Variants in FGGY observed in about 807,000 individuals in gnomAD.
The protein encoded by FGGY is FGGY carbohydrate kinase domain containing, also known as FGGY carbohydrate kinase domain-containing protein.
In FGGY, 72 loss-of-function variants were observed where a neutral mutation model predicts 71.3. That is an observed-to-expected ratio of 1.01 (90% confidence interval 0.84 to 1.23). The LOEUF is 1.23. Ranked by LOEUF, FGGY falls within the 50% of genes most tolerant of loss-of-function variation. The pLI, the probability that FGGY is intolerant of heterozygous loss-of-function variation, is 0.00. For missense variants in FGGY, 668 were observed against 682.3 expected, an observed-to-expected ratio of 0.98 and a Z score of 0.23; for synonymous variants, 251 against 250.3, an observed-to-expected ratio of 1.00 and a Z score of -0.02.
chr1:59,631,585 A>C (rs1249309679), intron 10 of FGGY, among the ~76,000 whole-genome samples: 1 of 152,196 alleles, frequency 6.6e-6, no homozygotes, highest in Admixed American at 6.5e-5. Context: ...TGAATCAAGA[A>C]CCATGTGTCT....
chr1:59,380,985 A>G (rs927070410), intron 5 of FGGY, among the ~76,000 whole-genome samples: 25 of 152,102 alleles, frequency 1.6e-4, no homozygotes, highest in South Asian at 1.5e-3. Flanking sequence ...GTAAGGAAGG[A>G]ATCCAGTTTC....
chr1:59,393,584 C>T (rs1041879897), intron 5 of FGGY, among the ~76,000 whole-genome samples: 6 of 152,094 alleles, frequency 3.9e-5, no homozygotes, highest in Admixed American at 2.0e-4. Flanking sequence ...CACCCCATCC[C>T]CCTCCTCTCT....
At chr1:59,300,179 A>G (rs1013143336) in intron 1 of FGGY, among the ~76,000 whole-genome samples, 9 of 152,166 alleles carry the variant, frequency 5.9e-5, no homozygotes, top group Admixed American at 3.3e-4. Context: ...CTAATTGGAG[A>G]AGTTTTGTTA....
At chr1:59,671,843 GCC>G (rs1400776204) in intron 13 of FGGY, among the ~76,000 whole-genome samples, 2 of 152,262 alleles carry the variant, frequency 1.3e-5, no homozygotes, top group East Asian at 3.9e-4. Context: ...CAGTGGGGAA[GCC>G]AGGATTCAAA....
chr1:59,534,951 A>G (rs1332745026), intron 7 of FGGY, among the ~76,000 whole-genome samples: 2 of 152,238 alleles, frequency 1.3e-5, no homozygotes, highest in East Asian at 3.9e-4. Context: ...AGCTAACATC[A>G]TAATGACAGG....
rs573561852 is a variant in FGGY, at chr1:59,554,136, C to T, written c.812C>T (p.Ala271Val). The T allele has an allele frequency of 4.3e-6, 7 of 1,609,932 alleles. No homozygotes were observed. The highest frequency in any genetic ancestry group is 5.9e-6 in the Non-Finnish European group (7 of 1,176,724). ...AHAGGLGVIG[A>V]DVRGHGLICE... ...TCCTTTCTCACAGGAGTGATTGGGG[C>T]AGATGTGAGAGGGCACGGCCTCATC... Residue 271 changes from alanine to valine, a missense_variant, in exon 8 of 16, where the codon GCA (alanine) becomes GTA (valine). Coordinates refer to ENST00000303721, the MANE Select transcript of FGGY (RefSeq NM_018291.5).
At position 59,530,870 on chromosome 1, in the gene FGGY, A is replaced by G. The variant is rs1570747925; in HGVS notation, c.799+18431A>G. 3.9e-5 allele frequency among the ~76,000 whole-genome samples: 6 copies of G among 152,332 alleles called. No individual in the cohort carries two copies. In the South Asian group the frequency reaches 1.2e-3, roughly 32 times the overall value. ...AAAAGAGATTGGAATTTTTATCCTT[A>G]AGGTACTAGCTTGTAAACAGAAACT... On this transcript the variant is annotated intron_variant, in intron 7 of 15. Coordinates refer to ENST00000303721, the MANE Select transcript of FGGY (RefSeq NM_018291.5).
At position 59,424,208 on chromosome 1, in the gene FGGY, T is replaced by A. The variant is rs527447436; in HGVS notation, c.555-32753T>A. On this transcript the variant is annotated intron_variant, in intron 5 of 15. Coordinates refer to ENST00000303721, the MANE Select transcript of FGGY (RefSeq NM_018291.5). ...ACAAATACAGGTGCCGCCAGAGTGCTTGCACATGGCAGCTTCACAGCCCAT... is the reference window on the plus strand; with the variant it reads ...ACAAATACAGGTGCCGCCAGAGTGCATGCACATGGCAGCTTCACAGCCCAT... Among the ~76,000 whole-genome samples, 3 of 152,344 alleles carry A rather than the reference T, an allele frequency of 2.0e-5. No individual in the cohort carries two copies. In the South Asian group the frequency reaches 6.2e-4, roughly 32 times the overall value.
chr1:59,485,088 T>C (rs1569859858), intron 6 of FGGY, among the ~76,000 whole-genome samples: 1 of 152,330 alleles, frequency 6.6e-6, no homozygotes, highest in African/African-American at 2.4e-5. Flanking sequence ...CTTTGATTTG[T>C]TGTGAACCCC....
intron 11 of FGGY, among the ~76,000 whole-genome samples, chr1:59,648,221 G>A (rs1264815474): frequency 1.0e-5 from 1 of 98,904 alleles, no homozygotes; most frequent in Non-Finnish European, 2.0e-5. Context: ...GTGTGCATGT[G>A]TCTTTATAAC....
At chr1:59,624,256 A>G (rs1380929225) in intron 9 of FGGY, among the ~76,000 whole-genome samples, 1 of 152,050 alleles carries the variant, frequency 6.6e-6, no homozygotes, top group Non-Finnish European at 1.5e-5. Flanking sequence ...GTGGTTAAGA[A>G]CAAGGTCTTA....
intron 14 of FGGY, among the ~76,000 whole-genome samples, chr1:59,736,907 C>T (rs2098110664): frequency 6.6e-6 from 1 of 152,206 alleles, no homozygotes; most frequent in Admixed American, 6.5e-5. Flanking sequence ...CAGCTCCTCC[C>T]ATCACAGGCC....
intron 14 of FGGY, among the ~76,000 whole-genome samples, chr1:59,743,159 G>C (rs1234955929): frequency 6.6e-6 from 1 of 152,044 alleles, no homozygotes; most frequent in Admixed American, 6.5e-5. Context: ...GACTTCTTTA[G>C]GTCCTTTAAA....
intron 14 of FGGY, among the ~76,000 whole-genome samples, chr1:59,709,712 AG>A (rs1332169251): frequency 6.6e-6 from 1 of 152,228 alleles, no homozygotes; most frequent in African/African-American, 2.4e-5. Context: ...CACTGCAGGC[AG>A]GGCTGGCTAC....
At chr1:59,374,349 A>G (rs71646036) in intron 4 of FGGY, among the ~76,000 whole-genome samples, 10,432 of 152,288 alleles carry the variant, frequency 0.069, 483 homozygotes, top group Non-Finnish European at 0.097. Flanking sequence ...CAAAACCACA[A>G]TGAGATATCA....
intron 14 of FGGY, among the ~76,000 whole-genome samples, chr1:59,712,749 G>A (rs781270055): frequency 9.9e-5 from 15 of 152,126 alleles, no homozygotes; most frequent in African/African-American, 2.7e-4. Flanking sequence ...TCCTGGGCCC[G>A]GCCCACAACA....
intron 5 of FGGY, among the ~76,000 whole-genome samples, chr1:59,451,750 C>T (rs2072782866): frequency 6.6e-6 from 1 of 151,974 alleles, no homozygotes; most frequent in African/African-American, 2.4e-5. Context: ...TTTTTTGCCT[C>T]TTACAGCTAA....
At chr1:59,531,061 A>C (rs1419716761) in intron 7 of FGGY, among the ~76,000 whole-genome samples, 1 of 152,194 alleles carries the variant, frequency 6.6e-6, no homozygotes, top group East Asian at 1.9e-4. Context: ...CATGGGCTTA[A>C]AGTGCTACAT....
At chr1:59,409,677 T>C (rs567830775) in intron 5 of FGGY, among the ~76,000 whole-genome samples, 324 of 151,472 alleles carry the variant, frequency 2.1e-3, no homozygotes, top group African/African-American at 7.6e-3. Context: ...AAGGCCTAAG[T>C]AGGGTTACAT....
Sources: allele counts gnomAD v4.1 joint callset (sites outside exome capture counted in the v4.1 genomes callset), GRCh38; gene constraint gnomAD v4.1.1; transcripts MANE v1.5; gene names NCBI Gene and HGNC (gene_info 2026-07-23, HGNC 2026-07-21).